The following SGSM1 variants were observed in gnomAD, a reference collection of about 807,000 sequenced individuals.
SGSM1 encodes the protein small G protein signaling modulator 1, also known as RUN and TBC1 domain containing 2.
Under a neutral mutation model 133.8 loss-of-function variants are expected in SGSM1, and 73 were observed. The observed-to-expected ratio is 0.55, with a 90% CI of 0.45 to 0.66. SGSM1 has a LOEUF of 0.66. SGSM1 is among the 30% of genes least tolerant of loss of function. The pLI is 0.00. For missense variants in SGSM1, 1,213 were observed against 1,448.1 expected (o/e 0.84, Z 2.64); for synonymous variants, 563 against 573.0 (o/e 0.98, Z 0.25).
chr22:24,839,406 A>G (rs1033938574), intron 2 of SGSM1, among the ~76,000 whole-genome samples: 3 of 151,964 alleles, frequency 2.0e-5, no homozygotes, highest in Admixed American at 6.6e-5. Context: ...TGTTTTTAGC[A>G]TTTTGTTGAG....
At chr22:24,909,741 C>A (rs967833807) in intron 21 of SGSM1, among the ~76,000 whole-genome samples, 1 of 152,068 alleles carries the variant, frequency 6.6e-6, no homozygotes, top group African/African-American at 2.4e-5. Flanking sequence ...CAGGCGTGAG[C>A]GACCATGCCT....
intron 21 of SGSM1, among the ~76,000 whole-genome samples, chr22:24,906,924 C>G (rs916671065): frequency 4.0e-5 from 6 of 151,130 alleles, no homozygotes; most frequent in Non-Finnish European, 5.9e-5. Context: ...GCACTCCAGC[C>G]TGGGCAACAG....
chr22:24,901,728 A>C, intron 19 of SGSM1, 105 bp from the exon 20 acceptor site: 1 of 1,286,194 alleles, frequency 7.8e-7, no homozygotes, highest in Non-Finnish European at 1.1e-6. Context: ...TTTCAGTGAC[A>C]ACAGGAGAGG....
intron 9 of SGSM1, among the ~76,000 whole-genome samples, chr22:24,863,773 C>T (rs1345326914): frequency 1.3e-5 from 2 of 148,502 alleles, no homozygotes; most frequent in Non-Finnish European, 3.0e-5. Flanking sequence ...TGGAGTTTCG[C>T]TCTTGTGGTC....
intron 22 of SGSM1, among the ~76,000 whole-genome samples, chr22:24,914,524 C>T (rs1009155823): frequency 9.9e-5 from 15 of 152,004 alleles, no homozygotes; most frequent in Admixed American, 7.2e-4. Context: ...TCGTGTACCC[C>T]TTCTTGATGG....
intron 16 of SGSM1, among the ~76,000 whole-genome samples, chr22:24,891,561 T>G (rs9612804): frequency 0.22 from 32,983 of 152,046 alleles, 3,858 homozygotes; most frequent in African/African-American, 0.28. Flanking sequence ...GTGAGGCCCC[T>G]CCACACTTCA....
At chr22:24,823,852 G>A (rs1048829372) in intron 2 of SGSM1, among the ~76,000 whole-genome samples, 5 of 152,024 alleles carry the variant, frequency 3.3e-5, no homozygotes, top group African/African-American at 9.7e-5. Context: ...CGAGGCTGCC[G>A]TGAGCCATGA....
chr22:24,880,824 G>C (rs1932273939), intron 14 of SGSM1, among the ~76,000 whole-genome samples: 1 of 152,228 alleles, frequency 6.6e-6, no homozygotes, highest in Non-Finnish European at 1.5e-5. Context: ...GAGGTGACCT[G>C]GTTTCAGATC....
chr22:24,886,898 G>C (rs1009349435), intron 16 of SGSM1, among the ~76,000 whole-genome samples, 170 bp downstream of exon 16: 14 of 152,280 alleles, frequency 9.2e-5, no homozygotes, highest in Middle Eastern at 6.8e-3. Flanking sequence ...AGCCACATAG[G>C]CAATTTTTAC....
Position 24,844,878 on chromosome 22 carries a change from G to A in SGSM1, c.64-19G>A, listed in dbSNP as rs201438557. 11 of 1,612,696 alleles carry A rather than the reference G, an allele frequency of 6.8e-6. No homozygotes were observed. The highest frequency in any genetic ancestry group is 1.8e-4 in the Middle Eastern group (1 of 5,694). The stretch of plus-strand genomic sequence containing the variant: ...GGTCACCTTGGACCTCTTCCCCTCC[G>A]GTCACCTTTGCCTTCCAGGTGAAGC... On this transcript the variant is annotated intron_variant, in intron 2 of 24. Transcript: ENST00000400358.
At chr22:24,907,011 A>G (rs1296020749) in intron 21 of SGSM1, among the ~76,000 whole-genome samples, 1 of 151,062 alleles carries the variant, frequency 6.6e-6, no homozygotes, top group Non-Finnish European at 1.5e-5. Context: ...CTGTAATCCC[A>G]TCACTTTGGG....
chr22:24,914,292 C>CAAAA lies in SGSM1; in HGVS notation c.2928+1555_2928+1558dup, dbSNP rs144720210. Among the ~76,000 whole-genome samples, 440 of 95,262 alleles carry CAAAA rather than the reference C, an allele frequency of 4.6e-3. 6 individuals carry two copies. The highest frequency in any genetic ancestry group is 0.041 in the East Asian group (135 of 3,276). The allele number at this position is 95,262 out of a possible 152,430, so 62.5% of individuals were successfully genotyped here. ...TGGGCGACAGAGCAAGACTCCATCT[C>CAAAA]AAAAAAAAAAAAAAAAAAGATACAA... On this transcript the variant is annotated intron_variant, in intron 22 of 24. Coordinates refer to ENST00000400358, the MANE Select transcript of SGSM1 (RefSeq NM_001098497.3).
At chr22:24,874,463 C>T in intron 12 of SGSM1, 1 of 1,613,706 alleles carries the variant, frequency 6.2e-7, no homozygotes, top group Non-Finnish European at 8.5e-7. Flanking sequence ...GTGGGCCCTG[C>T]CTGGATGATG....
rs1466586571 is a variant in SGSM1 at position 24,859,725 on chromosome 22, A to G, written c.811A>G (p.Met271Val). 1.2e-6 allele frequency: 2 copies of G among 1,613,872 alleles called. No individual in the cohort carries two copies. Among genetic ancestry groups the G allele is most frequent in the Non-Finnish European group, 1.7e-6 (2 of 1,179,860 alleles). The change falls in exon 9 of 25, where the codon ATG becomes GTG. Residue 271 changes from methionine (M) to valine (V), a missense_variant. By Grantham distance (21) the Met-to-Val change is conservative. Coordinates refer to ENST00000400358, the MANE Select transcript of SGSM1 (RefSeq NM_001098497.3). ...CCTCCTCTCTCTGCAGAGGGACGAC[A>G]TGGAGGCTGTGCCAGGGTACCTGTC... is the stretch of plus-strand genomic sequence containing the variant. ...NNVLVQPRDD[M>V]EAVPGYLSLH...
At chr22:24,904,674 T>C (rs1300621778) in intron 20 of SGSM1, among the ~76,000 whole-genome samples, 1 of 152,154 alleles carries the variant, frequency 6.6e-6, no homozygotes, top group Admixed American at 6.6e-5. Flanking sequence ...TTGCAATTCC[T>C]GACAAAGGGA....
At chr22:24,859,648 C>T (rs1233112539) in intron 8 of SGSM1, 68 bp from the exon 9 acceptor site, 25 of 1,601,892 alleles carry the variant, frequency 1.6e-5, no homozygotes, top group Admixed American at 5.1e-5. Flanking sequence ...TTAAATCAAA[C>T]GGGCCAGGAC....
At chr22:24,880,977 G>A (rs918894187) in intron 14 of SGSM1, among the ~76,000 whole-genome samples, 1 of 151,844 alleles carries the variant, frequency 6.6e-6, no homozygotes, top group Non-Finnish European at 1.5e-5. Context: ...GATTGTCTGA[G>A]GTCAGGAGTT....
intron 2 of SGSM1, among the ~76,000 whole-genome samples, chr22:24,829,089 G>A (rs1481215288): frequency 6.6e-6 from 1 of 152,086 alleles, no homozygotes; most frequent in African/African-American, 2.4e-5. Context: ...CTAGCTACTC[G>A]GGAGGCTGAG....
At chr22:24,858,252 T>C (rs554145612) in intron 8 of SGSM1, among the ~76,000 whole-genome samples, 3 of 152,328 alleles carry the variant, frequency 2.0e-5, no homozygotes, top group African/African-American at 4.8e-5. Context: ...ACCTCTGGGA[T>C]TGTAGGCGTG....
Sources: gnomAD v4.1 joint callset for allele counts (sites outside exome capture counted in the v4.1 genomes callset) on GRCh38, gnomAD v4.1.1 for gene constraint, MANE v1.5 for transcripts, NCBI Gene and HGNC (gene_info 2026-07-23, HGNC 2026-07-21) for gene names.